The following TRPM3 variants were observed in gnomAD, a reference collection of about 807,000 sequenced individuals.
TRPM3 encodes the protein transient receptor potential cation channel subfamily M member 3.
A neutral mutation model predicts 181.2 loss-of-function variants in TRPM3; 77 were observed. That is an observed-to-expected ratio of 0.42 (90% CI 0.35 to 0.51). TRPM3 has a LOEUF of 0.51. Ranked by LOEUF, TRPM3 falls within the 20% of genes least tolerant of loss-of-function variation. The pLI is 0.01. For missense variants in TRPM3, 1,759 were observed against 2,196.7 expected (o/e 0.80, Z 3.98); for synonymous variants, 745 against 796.4 (o/e 0.94, Z 1.09).
intron 1 of TRPM3, among the ~76,000 whole-genome samples, chr9:71,041,199 G>T (rs1590902488): frequency 6.6e-6 from 1 of 152,034 alleles, no homozygotes; most frequent in Non-Finnish European, 1.5e-5. Flanking sequence ...GAAGGAAATT[G>T]GGTGTGCATG....
intron 1 of TRPM3, among the ~76,000 whole-genome samples, chr9:71,146,801 T>C (rs1037590958): frequency 2.3e-4 from 35 of 152,306 alleles, no homozygotes; most frequent in African/African-American, 7.9e-4. Flanking sequence ...AATTTATTAA[T>C]ACCACTTACC....
At position 70,811,216 on chromosome 9, in the gene TRPM3, G is replaced by A. The variant is rs139374950; in HGVS notation, c.973+16631C>T. Reference sequence around the variant, plus strand: ...TACCCCAAAATGAATAAAACAAGCGGGAGTCAAGAGAGAAAAACGGCAGGC... The same window carrying A: ...TACCCCAAAATGAATAAAACAAGCGAGAGTCAAGAGAGAAAAACGGCAGGC... On this transcript the variant is annotated intron_variant, in intron 6 of 25. Coordinates refer to ENST00000677713, the MANE Select transcript of TRPM3 (RefSeq NM_001366145.2). 581 of 1,611,546 alleles carry A rather than the reference G, an allele frequency of 3.6e-4. 8 individuals carry two copies. The Middle Eastern group carries it at 0.017, about 46-fold the overall frequency.
At chr9:71,377,232 G>C (rs1340085360) in intron 1 of TRPM3, among the ~76,000 whole-genome samples, 1 of 151,900 alleles carries the variant, frequency 6.6e-6, no homozygotes, top group Non-Finnish European at 1.5e-5. Context: ...AAGATACTTC[G>C]ATAGCAGATC....
At chr9:71,303,378 G>C (rs1565442094) in intron 1 of TRPM3, among the ~76,000 whole-genome samples, 1 of 152,214 alleles carries the variant, frequency 6.6e-6, no homozygotes, top group South Asian at 2.1e-4. Flanking sequence ...TTCTGCAGTA[G>C]ACATTTTAAC....
chr9:71,219,335 A>G (rs887898418), intron 1 of TRPM3, among the ~76,000 whole-genome samples: 1 of 152,238 alleles, frequency 6.6e-6, no homozygotes, highest in African/African-American at 2.4e-5. Context: ...AATCTTTTAA[A>G]TAGTACACAT....
chr9:70,650,883 C>G (rs1448587238), intron 9 of TRPM3, among the ~76,000 whole-genome samples: 2 of 152,140 alleles, frequency 1.3e-5, no homozygotes, highest in African/African-American at 4.8e-5. Flanking sequence ...TGAATTTTGG[C>G]ATTTCAGCTT....
At chr9:71,333,208 G>A (rs904177931) in intron 1 of TRPM3, among the ~76,000 whole-genome samples, 1 of 152,028 alleles carries the variant, frequency 6.6e-6, no homozygotes, top group South Asian at 2.1e-4. Flanking sequence ...GCAAGAAGTC[G>A]GCTCTGAACC....
At chr9:71,299,048 A>G (rs963162052) in intron 1 of TRPM3, among the ~76,000 whole-genome samples, 1 of 152,148 alleles carries the variant, frequency 6.6e-6, no homozygotes, top group African/African-American at 2.4e-5. Flanking sequence ...TGAACCTAGA[A>G]AACATTTTTT....
In TRPM3 at chr9:71,378,975, G is replaced by C. The variant is rs183905942; in HGVS notation, c.183+67678C>G. Among the ~76,000 whole-genome samples, 402 of 151,870 alleles carry C rather than the reference G, an allele frequency of 2.6e-3. 3 individuals are homozygous for C. Among genetic ancestry groups the C allele is most frequent in the African/African-American group, 9.0e-3 (373 of 41,466 alleles). On this transcript the variant is annotated intron_variant, in intron 1 of 24. Transcript: ENST00000357533. Reference sequence around the variant, plus strand: ...AAAATTAGAATTGCCATGTGCTATGGGTTTGAAGATACAAATACTAAAACA... The same window carrying C: ...AAAATTAGAATTGCCATGTGCTATGCGTTTGAAGATACAAATACTAAAACA...
At chr9:70,945,610 G>A (rs1195381055) in intron 1 of TRPM3, among the ~76,000 whole-genome samples, 4 of 152,068 alleles carry the variant, frequency 2.6e-5, no homozygotes, top group South Asian at 2.1e-4. Flanking sequence ...TAGCTCACAG[G>A]TTGAAATTTC....
At chr9:70,841,661 T>TGA (rs1339698170) in intron 5 of TRPM3, among the ~76,000 whole-genome samples, 11 of 86,092 alleles carry the variant, frequency 1.3e-4, no homozygotes, top group African/African-American at 5.2e-4. Context: ...TATATATATA[T>TGA]CCCACCATAT....
At chr9:71,332,020 AG>A (rs2090227252) in intron 1 of TRPM3, among the ~76,000 whole-genome samples, 1 of 149,944 alleles carries the variant, frequency 6.7e-6, no homozygotes, top group South Asian at 2.1e-4. Flanking sequence ...GTACAGCTAT[AG>A]TATTCATAAA....
At chr9:70,837,802 C>T (rs767918254) in intron 5 of TRPM3, among the ~76,000 whole-genome samples, 11 of 152,110 alleles carry the variant, frequency 7.2e-5, no homozygotes, top group Non-Finnish European at 1.5e-5. Flanking sequence ...TCTCTGAGTT[C>T]GGTTTACAGT....
At chr9:71,115,159 A>G (rs1027475732) in intron 1 of TRPM3, among the ~76,000 whole-genome samples, 6 of 152,158 alleles carry the variant, frequency 3.9e-5, no homozygotes, top group Non-Finnish European at 5.9e-5. Context: ...CCCAGATACC[A>G]GCATCAGAGG....
At chr9:70,982,410 A>T (rs73470209) in intron 1 of TRPM3, among the ~76,000 whole-genome samples, 1 of 152,120 alleles carries the variant, frequency 6.6e-6, no homozygotes. Flanking sequence ...TGACCTAGAC[A>T]ACAGTCTTCA....
At chr9:71,139,581 A>T (rs182873889) in intron 1 of TRPM3, among the ~76,000 whole-genome samples, 2 of 152,302 alleles carry the variant, frequency 1.3e-5, no homozygotes, top group African/African-American at 4.8e-5. Context: ...AATTTATTTT[A>T]AAAATTTTGT....
At chr9:70,922,197 A>T (rs951349259) in intron 1 of TRPM3, among the ~76,000 whole-genome samples, 2 of 152,134 alleles carry the variant, frequency 1.3e-5, no homozygotes, top group African/African-American at 4.8e-5. Flanking sequence ...GAACCTCAGA[A>T]ACGTAGGCAT....
chr9:71,110,371 GAC>G (rs2134197880), intron 1 of TRPM3, among the ~76,000 whole-genome samples: 1 of 152,260 alleles, frequency 6.6e-6, no homozygotes, highest in Non-Finnish European at 1.5e-5. Context: ...AATATTCTAT[GAC>G]ATTCGACAAT....
intron 8 of TRPM3, among the ~76,000 whole-genome samples, chr9:70,692,348 C>T (rs575711322): frequency 6.6e-6 from 1 of 152,244 alleles, no homozygotes; most frequent in Admixed American, 6.5e-5. Context: ...TGTATGAGTC[C>T]TGTTCTATAT....
Sources: gnomAD v4.1 joint callset for allele counts (sites outside exome capture counted in the v4.1 genomes callset) on GRCh38, gnomAD v4.1.1 for gene constraint, MANE v1.5 for transcripts, NCBI Gene and HGNC (gene_info 2026-07-23, HGNC 2026-07-21) for gene names.